STPG2: variants seen among roughly 807,000 people sequenced by gnomAD.
STPG2 encodes sperm tail PG-rich repeat containing 2.
A neutral mutation model predicts 54.2 loss-of-function variants in STPG2; 56 were observed. That is an observed-to-expected ratio of 1.03 (90% CI 0.83 to 1.29). The LOEUF is 1.29. Among genes scored for constraint, STPG2 ranks in the 50% most tolerant of loss-of-function variants. STPG2 has a pLI of 0.00. For missense variants in STPG2, 596 were observed against 544.9 expected (o/e 1.09, Z -0.93); for synonymous variants, 200 against 181.8 (o/e 1.10, Z -0.81).
intron 5 of STPG2, among the ~76,000 whole-genome samples, chr4:98,001,387 G>A (rs1167993846): frequency 6.6e-6 from 1 of 151,634 alleles, no homozygotes; most frequent in African/African-American, 2.4e-5. Context: ...CTATGTAAAT[G>A]TTCGGAGTTC....
intron 9 of STPG2, among the ~76,000 whole-genome samples, chr4:97,798,527 A>C (rs1445607306): frequency 6.6e-6 from 1 of 151,732 alleles, no homozygotes; most frequent in African/African-American, 2.4e-5. Context: ...TTCTAGTTTG[A>C]TTGCACTGTG....
chr4:97,627,372 T>G (rs1734161798), intron 10 of STPG2, among the ~76,000 whole-genome samples: 1 of 152,156 alleles, frequency 6.6e-6, no homozygotes, highest in Non-Finnish European at 1.5e-5. Context: ...AAATATTTAT[T>G]TTAGTAAAGC....
At chr4:97,639,046 G>A (rs1386571307) in intron 10 of STPG2, among the ~76,000 whole-genome samples, 8 of 152,000 alleles carry the variant, frequency 5.3e-5, no homozygotes, top group East Asian at 1.9e-4. Context: ...ACACGCACAC[G>A]TATGTTTATT....
intron 4 of STPG2, among the ~76,000 whole-genome samples, chr4:97,523,287 A>T (rs1000016655): frequency 1.3e-5 from 2 of 151,878 alleles, no homozygotes; most frequent in Admixed American, 6.6e-5. Context: ...AGCCGGATAA[A>T]TATTTTAAGT....
chr4:98,140,322 T>A (rs2110173116), intron 1 of STPG2, among the ~76,000 whole-genome samples: 1 of 151,756 alleles, frequency 6.6e-6, no homozygotes, highest in South Asian at 2.1e-4. Context: ...CATTAAGGAG[T>A]TTAGATGTTA....
At chr4:97,593,499 C>A (rs1471878988) in intron 10 of STPG2, among the ~76,000 whole-genome samples, 1 of 152,148 alleles carries the variant, frequency 6.6e-6, no homozygotes, top group African/African-American at 2.4e-5. Context: ...CGGATGCCAA[C>A]AACCCCACCT....
At chr4:97,744,618 C>G (rs1330748057) in intron 9 of STPG2, among the ~76,000 whole-genome samples, 1 of 151,158 alleles carries the variant, frequency 6.6e-6, no homozygotes, top group Non-Finnish European at 1.5e-5. Context: ...GCTACAGAAC[C>G]CTGTACATAC....
intron 4 of STPG2, among the ~76,000 whole-genome samples, chr4:97,460,189 C>T (rs1258352931): frequency 6.6e-6 from 1 of 152,122 alleles, no homozygotes; most frequent in Admixed American, 6.6e-5. Context: ...ATATTATATC[C>T]CTTTATACTC....
At chr4:97,525,467 A>C (rs1731262667) in intron 4 of STPG2, among the ~76,000 whole-genome samples, 1 of 151,986 alleles carries the variant, frequency 6.6e-6, no homozygotes, top group South Asian at 2.1e-4. Flanking sequence ...AGGCTATTGT[A>C]ATCTAAAAAG....
intron 5 of STPG2, among the ~76,000 whole-genome samples, chr4:97,996,033 T>A (rs749140512): frequency 6.6e-5 from 10 of 152,222 alleles, no homozygotes; most frequent in Non-Finnish European, 1.5e-4. Flanking sequence ...ATAGATTCAG[T>A]ACTATTCCTA....
chr4:97,647,897 C>A (rs1404785437), intron 10 of STPG2, among the ~76,000 whole-genome samples: 1 of 152,068 alleles, frequency 6.6e-6, no homozygotes, highest in Non-Finnish European at 1.5e-5. Flanking sequence ...AAATGGTGTT[C>A]ACTCTGAGGT....
intron 7 of STPG2, among the ~76,000 whole-genome samples, chr4:97,967,362 A>G (rs1734142687): frequency 6.6e-6 from 1 of 152,110 alleles, no homozygotes; most frequent in African/African-American, 2.4e-5. Flanking sequence ...CAGATTCATA[A>G]AGCAAGTCCT....
chr4:97,896,870 G>T (rs111543201), intron 8 of STPG2, among the ~76,000 whole-genome samples: 1 of 151,598 alleles, frequency 6.6e-6, no homozygotes, highest in African/African-American at 2.4e-5. Flanking sequence ...TAGTTGGGAA[G>T]ACTATATAAA....
At chr4:97,718,782 C>T (rs1724364772) in intron 9 of STPG2, among the ~76,000 whole-genome samples, 1 of 151,816 alleles carries the variant, frequency 6.6e-6, no homozygotes, top group Admixed American at 6.6e-5. Flanking sequence ...CACTATGATC[C>T]TGTAATCATG....
chr4:97,964,260 T>C (rs1328551773), intron 7 of STPG2, among the ~76,000 whole-genome samples: 1 of 152,092 alleles, frequency 6.6e-6, no homozygotes, highest in Non-Finnish European at 1.5e-5. Context: ...AAATAAACAC[T>C]AGCACACAAA....
intron 10 of STPG2, among the ~76,000 whole-genome samples, chr4:97,679,766 T>C (rs1042197226): frequency 6.6e-6 from 1 of 152,108 alleles, no homozygotes; most frequent in Non-Finnish European, 1.5e-5. Flanking sequence ...TTAGGTCTAA[T>C]GTTTAAGTCT....
At chr4:97,887,992 T>C (rs1560572347) in intron 8 of STPG2, among the ~76,000 whole-genome samples, 1 of 152,210 alleles carries the variant, frequency 6.6e-6, no homozygotes, top group Non-Finnish European at 1.5e-5. Context: ...GTCATAAGCC[T>C]TAGCAGCTTC....
At chr4:97,840,653 G>A in intron 9 of STPG2, 120 bp downstream of exon 9, 1 of 1,132,530 alleles carries the variant, frequency 8.8e-7, no homozygotes, top group East Asian at 2.4e-5. Context: ...AAATGGTTTT[G>A]TTATACATTA....
intron 5 of STPG2, among the ~76,000 whole-genome samples, chr4:98,061,180 C>A (rs1203779520): frequency 6.6e-6 from 1 of 152,188 alleles, no homozygotes; most frequent in Non-Finnish European, 1.5e-5. Flanking sequence ...TGACAAAGGT[C>A]TAATATCTAG....
Sources: gnomAD v4.1 joint callset for allele counts (sites outside exome capture counted in the v4.1 genomes callset) on GRCh38, gnomAD v4.1.1 for gene constraint, MANE v1.5 for transcripts, NCBI Gene and HGNC (gene_info 2026-07-23, HGNC 2026-07-21) for gene names.